Variants in ROCK1 observed in about 807,000 individuals in gnomAD.
ROCK1 encodes the protein Rho associated coiled-coil containing protein kinase 1, also known as rho-associated protein kinase 1.
Under a neutral mutation model 196.8 loss-of-function variants are expected in ROCK1, and 36 were observed. That is an observed-to-expected ratio of 0.18 (90% CI 0.14 to 0.24). ROCK1 has a LOEUF of 0.24. ROCK1 is among the 10% of genes least tolerant of loss of function. The pLI is 1.00. For synonymous variants in ROCK1, 443 were observed against 515.9 expected, an observed-to-expected ratio of 0.86 and a Z score of 1.91; for missense variants, 920 against 1,562.0, an observed-to-expected ratio of 0.59 and a Z score of 6.93.
intron 1 of ROCK1, among the ~76,000 whole-genome samples, chr18:21,078,373 C>CACACACAG (rs1491188980): frequency 0.011 from 707 of 66,160 alleles, 5 homozygotes; most frequent in Middle Eastern, 0.055. Flanking sequence ...CACACACACA[C>CACACACAG]AGAGAGAGAG....
intron 20 of ROCK1, 39 bp from the exon 21 acceptor site, chr18:20,982,871 A>G (rs1568374987): frequency 1.1e-6 from 1 of 905,232 alleles, no homozygotes; most frequent in Non-Finnish European, 1.8e-6. Context: ...AAACGCTCCT[A>G]CTTATACTAG....
intron 19 of ROCK1, among the ~76,000 whole-genome samples, chr18:20,985,229 A>T (rs1253555188): frequency 6.6e-6 from 1 of 152,200 alleles, no homozygotes; most frequent in Non-Finnish European, 1.5e-5. Flanking sequence ...TCAACTCAAC[A>T]AATATTTCTG....
intron 4 of ROCK1, among the ~76,000 whole-genome samples, chr18:21,048,594 G>C (rs2143515960): frequency 6.6e-6 from 1 of 152,002 alleles, no homozygotes; most frequent in Non-Finnish European, 1.5e-5. Flanking sequence ...CTGTTGCCCA[G>C]GCTGGAGTGC....
In ROCK1 at chr18:21,062,285, T is replaced by A. The variant is rs371807673; in HGVS notation, c.175+8247A>T. Among the ~76,000 whole-genome samples the A allele has an allele frequency of 1.6e-3, 248 of 152,082 alleles. 3 individuals carry two copies. The highest frequency in any genetic ancestry group is 5.7e-3 in the African/African-American group (236 of 41,506). ...GAAAGTAAAGAAGTGTTCCTTTTTT[T>A]AAAAAAAGTAAGAACATGTCAAAGA... On this transcript the variant is annotated intron_variant, in intron 2 of 32. Coordinates refer to ENST00000399799, the MANE Select transcript of ROCK1 (RefSeq NM_005406.3).
intron 13 of ROCK1, among the ~76,000 whole-genome samples, chr18:21,012,617 T>C (rs2035828589): frequency 6.6e-6 from 1 of 152,160 alleles, no homozygotes; most frequent in Non-Finnish European, 1.5e-5. Context: ...GTGGATATCT[T>C]TGGGTTTACA....
chr18:21,075,017 G>A (rs1184663509), intron 1 of ROCK1, among the ~76,000 whole-genome samples: 2 of 152,172 alleles, frequency 1.3e-5, no homozygotes, highest in Non-Finnish European at 2.9e-5. Flanking sequence ...AGATGAAGGA[G>A]AAGGAGTCAA....
intron 11 of ROCK1, among the ~76,000 whole-genome samples, chr18:21,022,858 A>G (rs1200639977): frequency 3.3e-5 from 5 of 151,550 alleles, no homozygotes; most frequent in Non-Finnish European, 7.4e-5. Context: ...GTGTGTATAT[A>G]TGTGTGTGTG....
chr18:20,983,896 G>A (rs1486603536), intron 20 of ROCK1, among the ~76,000 whole-genome samples: 4 of 152,116 alleles, frequency 2.6e-5, no homozygotes, highest in Admixed American at 6.6e-5. Context: ...CATATTCTTC[G>A]ACAAATTGTG....
intron 10 of ROCK1, 93 bp downstream of exon 10, chr18:21,028,683 A>C: frequency 1.8e-6 from 2 of 1,097,054 alleles, no homozygotes; most frequent in East Asian, 2.6e-5. Context: ...GTGTATCTTT[A>C]TATAGCATTA....
chr18:21,086,223 T>C (rs1243593625), intron 1 of ROCK1, among the ~76,000 whole-genome samples: 2 of 151,688 alleles, frequency 1.3e-5, no homozygotes, highest in Admixed American at 6.6e-5. Flanking sequence ...GCTATTCTCC[T>C]GCCTCAGCCT....
intron 11 of ROCK1, among the ~76,000 whole-genome samples, chr18:21,020,704 G>C (rs2035906439): frequency 6.6e-6 from 1 of 152,156 alleles, no homozygotes; most frequent in Non-Finnish European, 1.5e-5. Context: ...AAGCAAAGAA[G>C]GTGGCACAAG....
At chr18:20,973,797 C>CTT (rs766676820) in intron 22 of ROCK1, among the ~76,000 whole-genome samples, 10 of 139,064 alleles carry the variant, frequency 7.2e-5, no homozygotes, top group Middle Eastern at 3.4e-3. Context: ...ATATTTGGCA[C>CTT]TTTTTTTTTT....
chr18:20,955,938 T>C (rs993812845), intron 29 of ROCK1, among the ~76,000 whole-genome samples: 5 of 150,908 alleles, frequency 3.3e-5, no homozygotes, highest in African/African-American at 1.2e-4. Flanking sequence ...TAGGGAGAGG[T>C]GGAGGAAGGA....
chr18:20,996,899 A>T (rs190639682), intron 16 of ROCK1, among the ~76,000 whole-genome samples: 1 of 152,158 alleles, frequency 6.6e-6, no homozygotes, highest in Non-Finnish European at 1.5e-5. Flanking sequence ...GGGTTAGAGG[A>T]TATTATTTGC....
chr18:20,981,418 AT>A (rs572312156), intron 21 of ROCK1, among the ~76,000 whole-genome samples: 50 of 152,302 alleles, frequency 3.3e-4, no homozygotes, highest in African/African-American at 1.2e-3. Context: ...ATATCCACAA[AT>A]AAGATTTATC....
Position 20,951,371 on chromosome 18 carries a change from C to G in ROCK1, c.*13G>C. On this transcript the variant is annotated 3_prime_UTR_variant, in exon 33 of 33. Transcript: ENST00000399799. ...GCATCCCACACGATTCCACAGGGCA[C>G]TCAGTCACATGGTTAACTGTTGAGG... 6.2e-7 allele frequency: 1 copy of G among 1,601,662 alleles called. No individual in the cohort carries two copies. Among genetic ancestry groups the G allele is most frequent in the East Asian group, 2.2e-5 (1 of 44,644 alleles).
At chr18:21,089,240 A>G (rs943086480) in intron 1 of ROCK1, among the ~76,000 whole-genome samples, 2 of 151,970 alleles carry the variant, frequency 1.3e-5, no homozygotes, top group African/African-American at 4.8e-5. Flanking sequence ...TTCTATCTTT[A>G]GTAGAGACGG....
intron 7 of ROCK1, 143 bp from the exon 8 acceptor site, chr18:21,042,378 CA>C (rs2036114680): frequency 2.0e-6 from 2 of 984,282 alleles, no homozygotes; most frequent in Non-Finnish European, 2.9e-6. Flanking sequence ...TATAAAAGAA[CA>C]CATCACAAAG....
Position 20,996,073 on chromosome 18 carries a change from G to T in ROCK1, c.1886-3136C>A, listed in dbSNP as rs944295393. On this transcript the variant is annotated intron_variant, in intron 16 of 32. Coordinates refer to ENST00000399799, the MANE Select transcript of ROCK1 (RefSeq NM_005406.3). ...AATCTCACCAAAGAAACTAAATAAG[G>T]CCCCAGGGACCAATCCTGGAGAGAC... Among the ~76,000 whole-genome samples the T allele has an allele frequency of 1.6e-4, 25 of 152,064 alleles. 1 individual carries two copies. The highest frequency in any genetic ancestry group is 2.0e-4 in the Admixed American group (3 of 15,268).
Sources: gnomAD v4.1 joint callset for allele counts (sites outside exome capture counted in the v4.1 genomes callset) on GRCh38, gnomAD v4.1.1 for gene constraint, MANE v1.5 for transcripts, NCBI Gene and HGNC (gene_info 2026-07-23, HGNC 2026-07-21) for gene names.